The following ZFYVE9 variants were observed in gnomAD, a reference collection of about 807,000 sequenced individuals.
ZFYVE9 encodes the protein zinc finger FYVE domain-containing protein 9.
In ZFYVE9, 43 loss-of-function variants were observed where a neutral mutation model predicts 126.7. The ratio of observed to expected loss-of-function variants is 0.34; its 90% CI spans 0.27 to 0.44. The LOEUF is 0.44. ZFYVE9 is among the 20% of genes least tolerant of loss of function. The pLI is 1.00. For missense variants in ZFYVE9, 1,476 were observed against 1,697.0 expected, an observed-to-expected ratio of 0.87 and a Z score of 2.29; for synonymous variants, 521 against 597.4, an observed-to-expected ratio of 0.87 and a Z score of 1.87.
intron 9 of ZFYVE9, 105 bp downstream of exon 9, chr1:52,278,719 CT>C (rs1046926879): frequency 0.028 from 14,459 of 507,370 alleles, no homozygotes; most frequent in East Asian, 0.04. Flanking sequence ...AGAGCCACAT[CT>C]TTTTTTTTTT....
chr1:52,190,403 G>A (rs1644806018), intron 1 of ZFYVE9: 1 of 152,128 alleles, frequency 6.6e-6, no homozygotes, highest in Admixed American at 6.5e-5. Context: ...GTACTTTGGG[G>A]TTCCGTTAGG....
intron 3 of ZFYVE9, among the ~76,000 whole-genome samples, chr1:52,236,452 A>G (rs1193065684): frequency 6.6e-6 from 1 of 152,186 alleles, no homozygotes; most frequent in Admixed American, 6.5e-5. Flanking sequence ...GCTTACAAAT[A>G]TATCTGCATA....
At chr1:52,306,257 G>A (rs945570042) in intron 13 of ZFYVE9, among the ~76,000 whole-genome samples, 5 of 152,114 alleles carry the variant, frequency 3.3e-5, no homozygotes, top group Admixed American at 6.5e-5. Flanking sequence ...AGCAGACATC[G>A]GGATGACCAG....
chr1:52,319,797 G>A (rs983766139), intron 13 of ZFYVE9, among the ~76,000 whole-genome samples: 2 of 151,466 alleles, frequency 1.3e-5, no homozygotes, highest in African/African-American at 4.8e-5. Flanking sequence ...GGCAGATCAC[G>A]AGGTCAGGAG....
At chr1:52,183,565 C>T (rs1021916950) in intron 1 of ZFYVE9, among the ~76,000 whole-genome samples, 2 of 150,278 alleles carry the variant, frequency 1.3e-5, no homozygotes, top group African/African-American at 2.5e-5. Context: ...TGCAGTGGTG[C>T]GATCTCAGCT....
chr1:52,312,132 T>G (rs61782535), intron 13 of ZFYVE9, among the ~76,000 whole-genome samples: 73 of 152,274 alleles, frequency 4.8e-4, no homozygotes, highest in Non-Finnish European at 9.4e-4. Flanking sequence ...AAACTTCTCA[T>G]TTTCATGTGC....
intron 13 of ZFYVE9, among the ~76,000 whole-genome samples, chr1:52,304,690 G>C (rs529315068): frequency 2.0e-5 from 3 of 151,542 alleles, no homozygotes; most frequent in Non-Finnish European, 4.4e-5. Flanking sequence ...TGGTATGCAC[G>C]TAGAATCACA....
intron 4 of ZFYVE9, among the ~76,000 whole-genome samples, chr1:52,255,948 C>CTT (rs1557484109): frequency 1.8e-5 from 2 of 113,642 alleles, no homozygotes; most frequent in Admixed American, 8.7e-5. Context: ...CTTTTCTTTT[C>CTT]TTTTCTTTTC....
chr1:52,270,907 G>C (rs1645686117), intron 7 of ZFYVE9, among the ~76,000 whole-genome samples: 1 of 151,838 alleles, frequency 6.6e-6, no homozygotes, highest in African/African-American at 2.4e-5. Context: ...GTATTAGTTT[G>C]GGTTGGGTGC....
intron 1 of ZFYVE9, among the ~76,000 whole-genome samples, chr1:52,153,760 G>C (rs1020554670): frequency 5.9e-5 from 9 of 152,182 alleles, no homozygotes; most frequent in Non-Finnish European, 1.5e-5. Context: ...AAGTGTGCCC[G>C]CTTTGGGTGC....
At chr1:52,196,280 G>T (rs1644859363) in intron 1 of ZFYVE9, among the ~76,000 whole-genome samples, 1 of 152,178 alleles carries the variant, frequency 6.6e-6, no homozygotes, top group African/African-American at 2.4e-5. Context: ...AAATTTTACA[G>T]TGGTTCTTTT....
chr1:52,322,694 G>A (rs944002757), intron 13 of ZFYVE9, among the ~76,000 whole-genome samples: 2 of 151,196 alleles, frequency 1.3e-5, no homozygotes, highest in African/African-American at 4.9e-5. Context: ...TCAAAACTAA[G>A]TCATATCATA....
intron 1 of ZFYVE9, among the ~76,000 whole-genome samples, chr1:52,157,739 C>T (rs886994813): frequency 5.9e-5 from 9 of 152,090 alleles, no homozygotes; most frequent in African/African-American, 2.2e-4. Context: ...TCCACAGCTC[C>T]CTGAAAGTTA....
intron 13 of ZFYVE9, among the ~76,000 whole-genome samples, chr1:52,330,189 C>T (rs1334033079): frequency 3.9e-5 from 6 of 152,116 alleles, no homozygotes; most frequent in African/African-American, 9.7e-5. Flanking sequence ...ACCAGCCTGA[C>T]GAACATGGAG....
intron 17 of ZFYVE9, among the ~76,000 whole-genome samples, chr1:52,341,441 T>C (rs1477780626): frequency 6.6e-6 from 1 of 152,124 alleles, no homozygotes; most frequent in African/African-American, 2.4e-5. Context: ...GTACATGTCA[T>C]ATAGATCAGA....
chr1:52,336,191 T>C (rs182502242), intron 15 of ZFYVE9, among the ~76,000 whole-genome samples: 60 of 152,112 alleles, frequency 3.9e-4, no homozygotes, highest in Admixed American at 1.1e-3. Context: ...TTGAAATACG[T>C]AGATAATCTT....
intron 7 of ZFYVE9, among the ~76,000 whole-genome samples, chr1:52,270,492 C>T (rs1389855049): frequency 6.6e-6 from 1 of 152,034 alleles, no homozygotes; most frequent in Non-Finnish European, 1.5e-5. Context: ...TCTCGATCTC[C>T]TGACCTCCTG....
At chr1:52,268,391 C>T in intron 6 of ZFYVE9, 72 bp from the exon 7 acceptor site, 19 of 1,494,934 alleles carry the variant, frequency 1.3e-5, no homozygotes, top group Non-Finnish European at 1.7e-5. Context: ...AATTGGTGAC[C>T]TTCTCTTCTT....
rs56300233 is a variant in ZFYVE9, at chr1:52,148,947, A to ATTT, written c.-143+6577_-143+6579dup. ...AGCCACTGTTCCCAGCCTTAACATG[A>ATTT]TTTTTTTTTTTTTTTTTTTTTTTTT... On this transcript the variant is annotated intron_variant, in intron 1 of 18. Coordinates refer to ENST00000287727, the MANE Select transcript of ZFYVE9 (RefSeq NM_004799.4). Among the ~76,000 whole-genome samples, 245 of 34,286 alleles carry ATTT rather than the reference A, an allele frequency of 7.1e-3. 5 individuals carry two copies. Among genetic ancestry groups the ATTT allele is most frequent in the Middle Eastern group, 0.029 (1 of 34 alleles). The allele number at this position is 34,286 out of a possible 152,430, so 22.5% of individuals were successfully genotyped here.
Sources: allele counts gnomAD v4.1 joint callset (sites outside exome capture counted in the v4.1 genomes callset), GRCh38; gene constraint gnomAD v4.1.1; transcripts MANE v1.5; gene names NCBI Gene and HGNC (gene_info 2026-07-23, HGNC 2026-07-21).